Variants in ICE1 observed in about 807,000 individuals in gnomAD.
The protein encoded by ICE1 is little elongation complex subunit 1.
In ICE1, 64 loss-of-function variants were observed where a neutral mutation model predicts 192.7. The ratio of observed to expected loss-of-function variants is 0.33; its 90% CI spans 0.27 to 0.41. The LOEUF (loss-of-function observed/expected upper bound fraction) is 0.41, where lower values mean the gene tolerates loss of function less well. Ranked by LOEUF, ICE1 falls within the 10% of genes least tolerant of loss-of-function variation. The pLI is 1.00. For synonymous variants in ICE1, 1,010 were observed against 984.5 expected (o/e 1.03, Z -0.49); for missense variants, 2,708 against 2,696.0 (o/e 1.00, Z -0.10).
chr5:5,476,733 C>T (rs1251717274), intron 17 of ICE1, among the ~76,000 whole-genome samples: 1 of 152,140 alleles, frequency 6.6e-6, no homozygotes, highest in Non-Finnish European at 1.5e-5. Context: ...GGGATCCGCT[C>T]CCATGATCCA....
At chr5:5,440,655 T>C (rs1738016781) in intron 4 of ICE1, among the ~76,000 whole-genome samples, 1 of 152,184 alleles carries the variant, frequency 6.6e-6, no homozygotes, top group Non-Finnish European at 1.5e-5. Context: ...ATTTTTATAC[T>C]ATTAAAATTT....
At chr5:5,460,397 T>G (rs371809752) in intron 12 of ICE1, 39 bp from the exon 13 acceptor site, 1 of 1,185,266 alleles carries the variant, frequency 8.4e-7, no homozygotes, top group East Asian at 2.4e-5. Context: ...GTTAATCTGT[T>G]GAATTAGTGT....
chr5:5,433,883 T>G (rs1287604314), intron 1 of ICE1, among the ~76,000 whole-genome samples: 1 of 151,944 alleles, frequency 6.6e-6, no homozygotes, highest in Non-Finnish European at 1.5e-5. Context: ...GGGAAAGGCA[T>G]CCTAGTAATT....
chr5:5,464,940 A>G lies in ICE1; in HGVS notation c.5606A>G (p.Lys1869Arg), dbSNP rs779761663. 4.3e-6 allele frequency: 7 copies of G among 1,613,640 alleles called. No homozygotes were observed. The Admixed American group carries it at 1.0e-4, about 23-fold the overall frequency. ...GGAGTCACTGCAGAAGGAATCCACA[A>G]AAACCTCCCAGGGAACCTCCCTCCA... ...TRGVTAEGIH[K>R]NLPGNLPPAE... Residue 1869 changes from lysine to arginine, a missense_variant, in exon 13 of 19, where the codon AAA (lysine) becomes AGA (arginine). By Grantham distance (26) the Lys-to-Arg change is conservative. Transcript: ENST00000296564. The surrounding 1 kb of genome is among the most constrained non-coding windows in gnomAD (Gnocchi z 4.0).
In ICE1 at chr5:5,461,095, ACTAT is replaced by A. The variant is rs1738759624; in HGVS notation, c.1765_1768del (p.Ser589GlufsTer15). ...TCACAGTTTCTGGCCATTTTCACAG[ACTAT>A]CTAGAGAATTGGAAAAGGAAAAAGA... On this transcript the variant is annotated frameshift_variant, in exon 13 of 19. Transcript: ENST00000296564. LOFTEE classifies it high-confidence loss of function. The A allele has an allele frequency of 6.2e-7, 1 of 1,613,956 alleles. No homozygotes were observed. The highest frequency in any genetic ancestry group is 8.5e-7 in the Non-Finnish European group (1 of 1,179,910).
At chr5:5,458,969 T>C (rs572523840) in intron 12 of ICE1, among the ~76,000 whole-genome samples, 1 of 152,220 alleles carries the variant, frequency 6.6e-6, no homozygotes, top group South Asian at 2.1e-4. Flanking sequence ...ACCTCCTGGG[T>C]TCACGCCATT....
intron 14 of ICE1, among the ~76,000 whole-genome samples, chr5:5,467,253 G>T (rs1739014775): frequency 6.6e-6 from 1 of 152,110 alleles, no homozygotes; most frequent in Admixed American, 6.5e-5. Flanking sequence ...GTGAATGTTG[G>T]GATTTCTGTG....
chr5:5,444,641 G>A (rs1317115270), intron 7 of ICE1, among the ~76,000 whole-genome samples: 1 of 152,156 alleles, frequency 6.6e-6, no homozygotes, highest in Non-Finnish European at 1.5e-5. Context: ...AATCTCATAG[G>A]GCTTTTTCTT....
intron 18 of ICE1, among the ~76,000 whole-genome samples, chr5:5,488,041 T>C (rs940617347): frequency 6.6e-6 from 1 of 152,158 alleles, no homozygotes; most frequent in Non-Finnish European, 1.5e-5. Context: ...CATGCTGTTA[T>C]TTATTAAAAT....
rs1222000636 is a variant in ICE1 at position 5,469,059 on chromosome 5, G to A, written c.6222+71G>A. ...ATATAAATGTTAATTATTTTGTTGT[G>A]TATTTAGTTTTATATTAGTTCATAG... On this transcript the variant is annotated intron_variant, in intron 15 of 18. Transcript: ENST00000296564. 5.3e-6 allele frequency: 6 copies of A among 1,130,060 alleles called. 1 individual carries two copies. The highest frequency in any genetic ancestry group is 3.0e-5 in the East Asian group (1 of 33,804). The allele number at this position is 1,130,060 out of a possible 1,614,324, so 70.0% of individuals were successfully genotyped here. A position where few individuals can be genotyped will look rare whatever the true frequency, so the allele number is the denominator to read the frequency against.
intron 17 of ICE1, among the ~76,000 whole-genome samples, chr5:5,483,351 A>T (rs192773723): frequency 6.0e-4 from 91 of 152,310 alleles, no homozygotes; most frequent in African/African-American, 2.1e-3. Context: ...TACTCCGTGG[A>T]CAGTAAAACA....
chr5:5,482,177 TTCAAA>T (rs1739522151), intron 17 of ICE1, among the ~76,000 whole-genome samples: 1 of 152,226 alleles, frequency 6.6e-6, no homozygotes, highest in African/African-American at 2.4e-5. Flanking sequence ...TGTAATTTTG[TTCAAA>T]TCAAGTCTAG....
chr5:5,424,311 TAGA>T (rs992179838), intron 1 of ICE1, among the ~76,000 whole-genome samples: 2 of 152,134 alleles, frequency 1.3e-5, no homozygotes, highest in East Asian at 3.9e-4. Flanking sequence ...CTTTTGTGAG[TAGA>T]AGGAGAACTA....
intron 1 of ICE1, among the ~76,000 whole-genome samples, chr5:5,429,167 G>A (rs961507995): frequency 3.3e-5 from 5 of 152,166 alleles, no homozygotes; most frequent in Non-Finnish European, 5.9e-5. Context: ...ATCTGCCGGG[G>A]AATCTCATTA....
intron 2 of ICE1, 85 bp downstream of exon 2, chr5:5,436,561 C>A: frequency 1.5e-6 from 1 of 660,488 alleles, no homozygotes; most frequent in Non-Finnish European, 2.4e-6. Context: ...GCCCCCAGGG[C>A]TGGAATGAAC....
Position 5,462,726 on chromosome 5 carries a change from A to C in ICE1, c.3392A>C (p.Lys1131Thr). 6.2e-7 allele frequency: 1 copy of C among 1,613,838 alleles called. No homozygotes were observed. The highest frequency in any genetic ancestry group is 8.5e-7 in the Non-Finnish European group (1 of 1,179,792). ...CAAGATGCTCCTGATGACTCACAGA[A>C]AAATTTAGGAGACACAGATGCTGCT... is the stretch of plus-strand genomic sequence containing the variant. ...EQQDAPDDSQ[K>T]NLGDTDAAVA... Residue 1131 changes from lysine (K) to threonine (T), a missense_variant, in exon 13 of 19, where the codon AAA becomes ACA. Lys to Thr is a moderately conservative substitution (Grantham distance 78). Around this residue, in one of 2 missense-constraint regions of ICE1, gnomAD observed 2,366 missense variants for 2,276.6 expected, o/e 1.04. Transcript: ENST00000296564.
chr5:5,478,631 A>G (rs748945430), intron 17 of ICE1, among the ~76,000 whole-genome samples: 3 of 152,298 alleles, frequency 2.0e-5, no homozygotes, highest in Middle Eastern at 3.4e-3. Flanking sequence ...CAAAAAACCC[A>G]TATAGCCAAC....
intron 10 of ICE1, among the ~76,000 whole-genome samples, chr5:5,451,089 TA>T: frequency 6.6e-6 from 1 of 152,084 alleles, no homozygotes; most frequent in Non-Finnish European, 1.5e-5. Flanking sequence ...GAGCTTTTAA[TA>T]AAAATCCCCC....
rs187334039 is a variant in ICE1, at chr5:5,477,906, G to A, written c.6520+1827G>A. ...CCACATGATTATCTCAATAGATACC[G>A]AAAAGGCCTTCAGTAAAATTCAACA... On this transcript the variant is annotated intron_variant, in intron 17 of 18. Transcript: ENST00000296564. Among the ~76,000 whole-genome samples the A allele has an allele frequency of 5.6e-3, 855 of 152,252 alleles. 7 individuals carry two copies. Among genetic ancestry groups the A allele is most frequent in the East Asian group, 0.027 (138 of 5,180 alleles).
Sources: gnomAD v4.1 joint callset for allele counts (sites outside exome capture counted in the v4.1 genomes callset) on GRCh38, gnomAD v4.1.1 for gene constraint, gnomAD v4.1.1 regional missense constraint, Gnocchi (gnomAD v3.1) non-coding constraint, MANE v1.5 for transcripts, NCBI Gene and HGNC (gene_info 2026-07-23, HGNC 2026-07-21) for gene names.